Variants in TENM1 observed in about 807,000 individuals in gnomAD.
TENM1 encodes the protein teneurin transmembrane protein 1.
In TENM1, 35 loss-of-function variants were observed where a neutral mutation model predicts 174.8. That is an observed-to-expected ratio of 0.20 (90% CI 0.15 to 0.27). TENM1 has a LOEUF of 0.27. TENM1 is among the 10% of genes least tolerant of loss of function. The pLI is 1.00. For synonymous variants in TENM1, 781 were observed against 798.7 expected, an observed-to-expected ratio of 0.98 and a Z score of 0.37; for missense variants, 1,633 against 2,130.1, an observed-to-expected ratio of 0.77 and a Z score of 4.59.
chrX:125,198,470 T>C, the TENM1 span, among the ~76,000 whole-genome samples: 1 of 111,847 alleles, frequency 8.9e-6, no homozygotes, highest in African/African-American at 3.2e-5. Flanking sequence ...AAATGCTCCA[T>C]AGAATACATA....
At chrX:124,493,401 A>C (rs2047114710) in intron 20 of TENM1, among the ~76,000 whole-genome samples, 2 of 111,551 alleles carry the variant, frequency 1.8e-5, no homozygotes, top group African/African-American at 6.5e-5. Context: ...GAGTTTAAAA[A>C]ATATTAATAT....
At chrX:124,645,243 C>T (rs755194922) in exon 10 of TENM1, 20 of 1,209,856 alleles carry the variant, frequency 1.7e-5, no homozygotes, top group South Asian at 7.0e-5. Context: ...ATTGTTCTTC[C>T]GGAACGTCAC....
At chrX:125,152,558 T>C in the TENM1 span, among the ~76,000 whole-genome samples, 13 of 112,219 alleles carry the variant, frequency 1.2e-4, no homozygotes, top group African/African-American at 3.9e-4. Context: ...GGGAAAGCTA[T>C]AGCCATACAG....
the TENM1 span, among the ~76,000 whole-genome samples, chrX:124,981,956 TAAAA>T: frequency 1.5e-3 from 41 of 26,714 alleles, 1 homozygote; most frequent in South Asian, 5.6e-3. Context: ...TAGAGTATAA[TAAAA>T]AAAAAAAAAA....
At chrX:124,736,795 G>A (rs1412726745) in intron 4 of TENM1, among the ~76,000 whole-genome samples, 162 bp downstream of exon 7, 1 of 112,033 alleles carries the variant, frequency 8.9e-6, no homozygotes, top group African/African-American at 3.2e-5. Flanking sequence ...GCACATCTGC[G>A]CCTGTGAAGG....
At chrX:124,494,584 C>T (rs1236143727) in intron 20 of TENM1, among the ~76,000 whole-genome samples, 2 of 109,683 alleles carry the variant, frequency 1.8e-5, no homozygotes, top group Admixed American at 9.7e-5. Context: ...CATATGTATA[C>T]ATGTGCCATG....
the TENM1 span, among the ~76,000 whole-genome samples, chrX:125,066,168 G>T: frequency 8.9e-6 from 1 of 111,844 alleles, no homozygotes; most frequent in African/African-American, 3.3e-5. Context: ...TAGGAAGCTG[G>T]TAACTAAGAG....
At chrX:124,442,102 G>C (rs1352776671) in intron 23 of TENM1, among the ~76,000 whole-genome samples, 1 of 111,824 alleles carries the variant, frequency 8.9e-6, no homozygotes, top group Non-Finnish European at 1.9e-5. Context: ...CTGTCTTGCT[G>C]TCTACCTGTA....
intron 3 of TENM1, among the ~76,000 whole-genome samples, chrX:124,839,939 A>G (rs2056464679): frequency 9.0e-6 from 1 of 110,930 alleles, no homozygotes; most frequent in South Asian, 3.8e-4. Flanking sequence ...ACAGGAGTGG[A>G]TAGGGCACAG....
At chrX:124,769,509 C>T (rs1307952121) in intron 3 of TENM1, among the ~76,000 whole-genome samples, 1 of 111,469 alleles carries the variant, frequency 9.0e-6, no homozygotes, top group African/African-American at 3.3e-5. Context: ...ATATCAAGAC[C>T]TGTAATTAAA....
At chrX:124,403,172 C>CA (rs1380573765) in intron 27 of TENM1, among the ~76,000 whole-genome samples, 1 of 110,217 alleles carries the variant, frequency 9.1e-6, no homozygotes, top group Non-Finnish European at 1.9e-5. Flanking sequence ...CAAACAACAA[C>CA]AAAAAAACCA....
At chrX:124,556,398 C>T (rs1159538884) in intron 14 of TENM1, among the ~76,000 whole-genome samples, 1 of 111,286 alleles carries the variant, frequency 9.0e-6, no homozygotes, top group East Asian at 2.8e-4. Context: ...GTTTGGGGTC[C>T]TCAAGGCATT....
chrX:124,584,503 C>T (rs1015602742), intron 11 of TENM1, among the ~76,000 whole-genome samples: 5 of 103,335 alleles, frequency 4.8e-5, no homozygotes, highest in East Asian at 3.2e-4. Flanking sequence ...TTTGTCACCA[C>T]CAGGCCTGCC....
At chrX:125,164,142 A>G in the TENM1 span, among the ~76,000 whole-genome samples, 1 of 111,813 alleles carries the variant, frequency 8.9e-6, no homozygotes, top group Non-Finnish European at 1.9e-5. Flanking sequence ...AAGTCAGCTA[A>G]TTTCAAAACA....
the TENM1 span, among the ~76,000 whole-genome samples, chrX:125,012,764 G>A: frequency 9.0e-6 from 1 of 111,591 alleles, no homozygotes; most frequent in African/African-American, 3.3e-5. Flanking sequence ...GAAGGCTAAT[G>A]GAAGGAAACA....
At chrX:124,544,618 A>G (rs2048390875) in intron 15 of TENM1, among the ~76,000 whole-genome samples, 1 of 112,442 alleles carries the variant, frequency 8.9e-6, no homozygotes, top group Non-Finnish European at 1.9e-5. Context: ...ACTGAAATGT[A>G]TTAAATTGAA....
chrX:125,170,890 C>T, the TENM1 span, among the ~76,000 whole-genome samples: 78 of 110,902 alleles, frequency 7.0e-4, no homozygotes, highest in East Asian at 2.6e-3. Context: ...TACTAGGATG[C>T]GCTTCCCTAC....
the TENM1 span, among the ~76,000 whole-genome samples, chrX:125,038,782 A>G: frequency 8.9e-6 from 1 of 112,032 alleles, no homozygotes; most frequent in Admixed American, 9.5e-5. Context: ...ATTGGAAAAA[A>G]AGGAAGTGAA....
intron 22 of TENM1, among the ~76,000 whole-genome samples, chrX:124,459,348 T>C (rs766916468): frequency 2.0e-4 from 22 of 111,716 alleles, no homozygotes; most frequent in African/African-American, 7.1e-4. Flanking sequence ...ATTCCTTACA[T>C]AGATTTTCTC....
Sources: allele counts gnomAD v4.1 joint callset (sites outside exome capture counted in the v4.1 genomes callset), GRCh38; gene constraint gnomAD v4.1.1; transcripts MANE v1.5; gene names NCBI Gene and HGNC (gene_info 2026-07-23, HGNC 2026-07-21).